Variants in HM13 observed in about 807,000 individuals in gnomAD.
HM13 encodes the protein signal peptide peptidase.
In HM13, 18 loss-of-function variants were observed where a neutral mutation model predicts 50.0. The observed-to-expected ratio is 0.36, with a 90% CI of 0.25 to 0.53. The LOEUF (loss-of-function observed/expected upper bound fraction) is 0.53. Among genes scored for constraint, HM13 ranks in the 20% least tolerant of loss-of-function variants. The pLI is 0.90. For synonymous variants in HM13, 197 were observed against 232.6 expected, an observed-to-expected ratio of 0.85 and a Z score of 1.39; for missense variants, 393 against 552.4, an observed-to-expected ratio of 0.71 and a Z score of 2.89.
intron 10 of HM13, among the ~76,000 whole-genome samples, chr20:31,563,006 G>A (rs1487422089): frequency 6.6e-6 from 1 of 152,194 alleles, no homozygotes; most frequent in African/African-American, 2.4e-5. Flanking sequence ...GTGGCCATAA[G>A]GTGGCAGCCT....
At position 31,566,420 on chromosome 20, in the gene HM13, C is replaced by G; in HGVS notation, c.1034+125C>G. 4 of 788,290 alleles carry G rather than the reference C, an allele frequency of 5.1e-6. No individual in the cohort carries two copies. In the South Asian group the frequency reaches 6.4e-5, roughly 13 times the overall value. 48.8% of individuals were successfully genotyped at this position (788,290 alleles called of 1,614,324 possible). A position where few individuals can be genotyped will look rare whatever the true frequency, so the allele number is the denominator to read the frequency against. ...CATTGTTCCTGCCACCAGCCCCACC[C>G]CTTGCCTTTTTCAGCAGTACATGGG... On this transcript the variant is annotated intron_variant, in intron 11 of 12. Transcript: ENST00000398174.
intron 3 of HM13, 123 bp downstream of exon 3, chr20:31,538,384 A>C: frequency 1.9e-6 from 3 of 1,569,776 alleles, no homozygotes; most frequent in South Asian, 1.1e-5. Flanking sequence ...TATAAAACTC[A>C]AGGGACTCTT....
chr20:31,568,338 C>T (rs962592453), intron 12 of HM13, 114 bp downstream of exon 12: 96 of 1,379,490 alleles, frequency 7.0e-5, no homozygotes, highest in Non-Finnish European at 8.5e-5. Flanking sequence ...AGGAGTAGGC[C>T]GCAAGAGCAG....
At chr20:31,557,596 C>A (rs1984383812) in intron 8 of HM13, among the ~76,000 whole-genome samples, 2 of 152,064 alleles carry the variant, frequency 1.3e-5, no homozygotes, top group Non-Finnish European at 2.9e-5. Context: ...CTGCAGTTGT[C>A]TGCTCTATCC....
chr20:31,546,174 C>T (rs1264946862), intron 4 of HM13, among the ~76,000 whole-genome samples: 3 of 151,414 alleles, frequency 2.0e-5, no homozygotes, highest in Non-Finnish European at 4.4e-5. Context: ...CTCAGCCTCC[C>T]GAGTAGCTGG....
At chr20:31,523,998 C>T (rs947328513) in intron 1 of HM13, among the ~76,000 whole-genome samples, 3 of 152,224 alleles carry the variant, frequency 2.0e-5, no homozygotes, top group Non-Finnish European at 2.9e-5. Flanking sequence ...TCACTCACCT[C>T]TCCCTGATAG....
intron 10 of HM13, 32 bp downstream of exon 10, chr20:31,561,768 G>C: frequency 7.0e-7 from 1 of 1,420,208 alleles, no homozygotes; most frequent in Non-Finnish European, 1.0e-6. Context: ...TGTCAGGAAT[G>C]CCTCACTGCA....
intron 3 of HM13, among the ~76,000 whole-genome samples, chr20:31,542,309 T>TGAGCTCGTGCCC (rs1159640783): frequency 6.6e-6 from 1 of 152,204 alleles, no homozygotes; most frequent in Non-Finnish European, 1.5e-5. Flanking sequence ...CATCTGTGTC[T>TGAGCTCGTGCCC]GAGCTCGTGC....
At chr20:31,534,857 G>A (rs530378069) in intron 2 of HM13, among the ~76,000 whole-genome samples, 14 of 151,994 alleles carry the variant, frequency 9.2e-5, no homozygotes, top group East Asian at 5.8e-4. Context: ...AGGCCGAGGC[G>A]GGCAGATCAC....
intron 8 of HM13, among the ~76,000 whole-genome samples, chr20:31,559,143 C>T (rs1272830355): frequency 6.6e-6 from 1 of 152,202 alleles, no homozygotes; most frequent in African/African-American, 2.4e-5. Context: ...GTCTGGAACT[C>T]CTGACCTCGT....
intron 4 of HM13, chr20:31,547,969 G>GA: frequency 6.4e-7 from 1 of 1,551,494 alleles, no homozygotes; most frequent in Non-Finnish European, 8.9e-7. Context: ...AGAAGATATT[G>GA]AGAAAGTCAA....
intron 4 of HM13, among the ~76,000 whole-genome samples, chr20:31,546,346 C>G (rs1017794181): frequency 2.6e-5 from 4 of 152,130 alleles, no homozygotes; most frequent in African/African-American, 4.8e-5. Flanking sequence ...GTAGCACTCT[C>G]TCTTACTGGT....
At position 31,552,201 on chromosome 20, in the gene HM13, A is replaced by T. The variant is rs138061365; in HGVS notation, c.724+2080A>T. ...GAGAACCCAGCCAGGGTGTCAGGAA[A>T]ATCTTTTCTGGGTCATGAAGGATGA... On this transcript the variant is annotated intron_variant, in intron 7 of 12. Transcript: ENST00000398174. Among the ~76,000 whole-genome samples, 82 of 152,256 alleles carry T rather than the reference A, an allele frequency of 5.4e-4. 1 individual carries two copies. The East Asian group carries it at 0.014, about 25-fold the overall frequency.
chr20:31,525,863 C>T (rs528505643), intron 1 of HM13, among the ~76,000 whole-genome samples: 47 of 152,242 alleles, frequency 3.1e-4, no homozygotes, highest in African/African-American at 1.1e-3. Context: ...CAATGGCTCA[C>T]ACCTATAAGT....
chr20:31,548,076 C>A, intron 4 of HM13: 2 of 1,396,318 alleles, frequency 1.4e-6, no homozygotes, highest in Non-Finnish European at 2.0e-6. Flanking sequence ...ATTTGGGGGG[C>A]TAAATGTGGA....
chr20:31,534,950 G>A (rs1983027540), intron 2 of HM13, among the ~76,000 whole-genome samples: 1 of 152,126 alleles, frequency 6.6e-6, no homozygotes, highest in African/African-American at 2.4e-5. Context: ...GCCGGGCGTG[G>A]TGGCAGGCGC....
chr20:31,535,826 A>T (rs1983073431), intron 2 of HM13, among the ~76,000 whole-genome samples: 1 of 152,194 alleles, frequency 6.6e-6, no homozygotes, highest in African/African-American at 2.4e-5. Context: ...GACACCAATC[A>T]CACAGATAGA....
chr20:31,538,396 C>G, intron 3 of HM13, 135 bp downstream of exon 3: 2 of 1,539,630 alleles, frequency 1.3e-6, no homozygotes, highest in South Asian at 2.4e-5. Context: ...GGGACTCTTT[C>G]CCCTGCACAC....
chr20:31,526,819 T>C (rs1292621617), intron 1 of HM13, among the ~76,000 whole-genome samples: 1 of 152,256 alleles, frequency 6.6e-6, no homozygotes, highest in Non-Finnish European at 1.5e-5. Flanking sequence ...CATTACCTAC[T>C]GGATGACAGA....
Sources: allele counts gnomAD v4.1 joint callset (sites outside exome capture counted in the v4.1 genomes callset), GRCh38; gene constraint gnomAD v4.1.1; transcripts MANE v1.5; gene names NCBI Gene and HGNC (gene_info 2026-07-23, HGNC 2026-07-21).